Variants in GAS2 observed in about 807,000 individuals in gnomAD.
GAS2 encodes the protein growth arrest-specific protein 2.
In GAS2, 20 loss-of-function variants were observed where a neutral mutation model predicts 37.5. The ratio of observed to expected loss-of-function variants is 0.53; its 90% CI spans 0.37 to 0.77. The LOEUF (loss-of-function observed/expected upper bound fraction) is 0.77. GAS2 is among the 30% of genes least tolerant of loss of function. The pLI is 0.00. For missense variants in GAS2, 336 were observed against 373.4 expected (o/e 0.90, Z 0.82); for synonymous variants, 144 against 132.2 (o/e 1.09, Z -0.61).
chr11:22,725,006 A>AT (rs2134159083), intron 3 of GAS2, among the ~76,000 whole-genome samples: 1 of 152,108 alleles, frequency 6.6e-6, no homozygotes, highest in Admixed American at 6.6e-5. Flanking sequence ...TATAAGAAAG[A>AT]TTTTATAAAT....
At chr11:22,647,300 A>C (rs1391698089) in intron 1 of GAS2, among the ~76,000 whole-genome samples, 1 of 151,830 alleles carries the variant, frequency 6.6e-6, no homozygotes, top group African/African-American at 2.4e-5. Flanking sequence ...TATGTGCCAC[A>C]TTTTCTTAAT....
At chr11:22,660,455 T>C (rs934465252) in intron 1 of GAS2, among the ~76,000 whole-genome samples, 4 of 152,218 alleles carry the variant, frequency 2.6e-5, no homozygotes, top group African/African-American at 9.7e-5. Context: ...TAAACTATTT[T>C]ACATGTATTA....
intron 7 of GAS2, among the ~76,000 whole-genome samples, chr11:22,778,746 C>T (rs1391421358): frequency 6.6e-6 from 1 of 152,164 alleles, no homozygotes; most frequent in Non-Finnish European, 1.5e-5. Context: ...CTCTAGTGTC[C>T]TCTATGCCTT....
chr11:22,628,420 T>C (rs1347573550), intron 1 of GAS2, among the ~76,000 whole-genome samples: 1 of 152,144 alleles, frequency 6.6e-6, no homozygotes, highest in Non-Finnish European at 1.5e-5. Context: ...CACAAATGTG[T>C]GTACTGTGTG....
At chr11:22,648,366 T>C (rs941434399) in intron 1 of GAS2, among the ~76,000 whole-genome samples, 5 of 151,862 alleles carry the variant, frequency 3.3e-5, no homozygotes, top group Admixed American at 6.6e-5. Flanking sequence ...GTGATGCCTC[T>C]AGCTTTGTTA....
At chr11:22,633,634 C>T (rs1036118551) in intron 1 of GAS2, among the ~76,000 whole-genome samples, 2 of 152,002 alleles carry the variant, frequency 1.3e-5, no homozygotes, top group Admixed American at 1.3e-4. Context: ...GGGCAGAGGT[C>T]CTAACCTTGA....
chr11:22,719,004 T>C (rs1851820715), intron 3 of GAS2, among the ~76,000 whole-genome samples: 1 of 152,126 alleles, frequency 6.6e-6, no homozygotes, highest in South Asian at 2.1e-4. Flanking sequence ...AATGACATAG[T>C]AATCTTTTTG....
At position 22,744,164 on chromosome 11, in the gene GAS2, C is replaced by A. The variant is rs79047258; in HGVS notation, c.474-4956C>A. 4.2e-3 allele frequency among the ~76,000 whole-genome samples: 637 copies of A among 152,016 alleles called. 6 individuals are homozygous for A. Among genetic ancestry groups the A allele is most frequent in the African/African-American group, 0.013 (542 of 41,506 alleles). On this transcript the variant is annotated intron_variant, in intron 5 of 7. Transcript: ENST00000454584. Reference sequence around the variant, plus strand: ...GGTAGTAAAAAGCCTACCACCACCACCAACAACAAAAAAGCCCTGGGCCAG... The same window carrying A: ...GGTAGTAAAAAGCCTACCACCACCAACAACAACAAAAAAGCCCTGGGCCAG...
chr11:22,733,523 C>T (rs1040177352), intron 4 of GAS2, among the ~76,000 whole-genome samples: 3 of 151,648 alleles, frequency 2.0e-5, no homozygotes, highest in Non-Finnish European at 4.4e-5. Context: ...ATATATTTAA[C>T]TAAACTATAC....
intron 4 of GAS2, among the ~76,000 whole-genome samples, chr11:22,735,031 A>G (rs534244066): frequency 6.6e-6 from 1 of 151,824 alleles, no homozygotes; most frequent in East Asian, 1.9e-4. Flanking sequence ...GATGCTAGGT[A>G]AAACTTTAGC....
chr11:22,721,570 C>G (rs1438200477), intron 3 of GAS2, among the ~76,000 whole-genome samples: 1 of 151,964 alleles, frequency 6.6e-6, no homozygotes, highest in Non-Finnish European at 1.5e-5. Flanking sequence ...TCACTTCTCC[C>G]ACTATGAATG....
Position 22,762,066 on chromosome 11 carries a change from T to C in GAS2, c.723+6113T>C, listed in dbSNP as rs11026775. ...CCTGTGCTAGGAGGTCATAGAAACA[T>C]AGTTTGAGAAAGACATTGTCAATTG... On this transcript the variant is annotated intron_variant, in intron 7 of 7. Transcript: ENST00000454584. Among the ~76,000 whole-genome samples the C allele has an allele frequency of 2.1e-3, 326 of 152,264 alleles. 8 individuals carry two copies. The East Asian group carries it at 0.051, about 24-fold the overall frequency.
At chr11:22,675,104 A>C in intron 2 of GAS2, 90 bp downstream of exon 2, 1 of 1,251,978 alleles carries the variant, frequency 8.0e-7, no homozygotes, top group Admixed American at 2.6e-5. Flanking sequence ...AGCATGTGAT[A>C]GCACCTTGGA....
chr11:22,694,261 G>A (rs1850388346), intron 3 of GAS2, among the ~76,000 whole-genome samples: 1 of 152,086 alleles, frequency 6.6e-6, no homozygotes, highest in African/African-American at 2.4e-5. Context: ...TGTGCTTTAG[G>A]TCATTCTAGG....
At chr11:22,788,812 T>C (rs959410333) in intron 7 of GAS2, among the ~76,000 whole-genome samples, 3 of 152,184 alleles carry the variant, frequency 2.0e-5, no homozygotes, top group African/African-American at 4.8e-5. Flanking sequence ...ACTATCTCTA[T>C]TAATACTAAA....
At chr11:22,758,986 T>C (rs1402091622) in intron 7 of GAS2, among the ~76,000 whole-genome samples, 1 of 151,658 alleles carries the variant, frequency 6.6e-6, no homozygotes, top group African/African-American at 2.4e-5. Flanking sequence ...TGTTAACTCT[T>C]GACTGATGCT....
intron 3 of GAS2, among the ~76,000 whole-genome samples, chr11:22,699,212 GAA>G (rs1446286807): frequency 5.9e-5 from 9 of 152,110 alleles, no homozygotes; most frequent in Non-Finnish European, 1.5e-5. Flanking sequence ...TGGAAAAGAT[GAA>G]TTTATTGAGA....
At chr11:22,680,241 C>T (rs563146896) in intron 2 of GAS2, among the ~76,000 whole-genome samples, 1 of 152,038 alleles carries the variant, frequency 6.6e-6, no homozygotes, top group Non-Finnish European at 1.5e-5. Context: ...ACAGAATCAC[C>T]TTCATGTTCA....
At chr11:22,687,541 G>A (rs1164829335) in intron 3 of GAS2, among the ~76,000 whole-genome samples, 4 of 152,154 alleles carry the variant, frequency 2.6e-5, no homozygotes, top group African/African-American at 4.8e-5. Context: ...AGATTGGCTA[G>A]TAAGTGACCA....
Sources: allele counts gnomAD v4.1 joint callset (sites outside exome capture counted in the v4.1 genomes callset), GRCh38; gene constraint gnomAD v4.1.1; transcripts MANE v1.5; gene names NCBI Gene and HGNC (gene_info 2026-07-23, HGNC 2026-07-21).